The following NRG3 variants were observed in gnomAD, a reference collection of about 807,000 sequenced individuals.
NRG3 encodes pro-neuregulin-3, membrane-bound isoform.
In NRG3, 31 loss-of-function variants were observed where a neutral mutation model predicts 66.9. The observed-to-expected ratio is 0.46, with a 90% CI of 0.35 to 0.63. The LOEUF (loss-of-function observed/expected upper bound fraction) is 0.63. Ranked by LOEUF, NRG3 falls within the 20% of genes least tolerant of loss-of-function variation. NRG3 has a pLI of 0.00. For synonymous variants in NRG3, 393 were observed against 359.4 expected (o/e 1.09, Z -1.06); for missense variants, 910 against 878.9 (o/e 1.04, Z -0.45).
At chr10:82,885,167 T>C (rs1278064903) in intron 4 of NRG3, among the ~76,000 whole-genome samples, 1 of 152,244 alleles carries the variant, frequency 6.6e-6, no homozygotes, top group African/African-American at 2.4e-5. Context: ...CTACAACTTT[T>C]CTAAATACTC....
rs111274694 is a variant in NRG3 at position 81,970,421 on chromosome 10, G to T, written c.823+94258G>T. Among the ~76,000 whole-genome samples the T allele has an allele frequency of 4.0e-3, 603 of 152,242 alleles. 2 individuals are homozygous for T. Among genetic ancestry groups the T allele is most frequent in the African/African-American group, 0.014 (564 of 41,544 alleles). On this transcript the variant is annotated intron_variant, in intron 1 of 8. Coordinates refer to ENST00000372141, the MANE Select transcript of NRG3 (RefSeq NM_001010848.4). ...TTTCAACCAGGTTTATAGAGTAAAA[G>T]ATTCTTTTTCTTAACTTTAGCAGTT...
In NRG3 at chr10:82,344,634, G is replaced by A. The variant is rs1023365313; in HGVS notation, c.824-14105G>A. Among the ~76,000 whole-genome samples, 33 of 136,974 alleles carry A rather than the reference G, an allele frequency of 2.4e-4. 1 individual carries two copies. Among genetic ancestry groups the A allele is most frequent in the Non-Finnish European group, 4.0e-4 (27 of 67,078 alleles). 89.9% of individuals were successfully genotyped at this position (136,974 alleles called of 152,430 possible). On this transcript the variant is annotated intron_variant, in intron 1 of 8. Transcript: ENST00000372141. ...TCCAGTTCTAGATCCCTGAGGAATC[G>A]CCACACTGACTTCCACAATGGTTGA... is the stretch of plus-strand genomic sequence containing the variant.
chr10:81,885,974 A>G (rs963659897), intron 1 of NRG3, among the ~76,000 whole-genome samples: 1 of 152,150 alleles, frequency 6.6e-6, no homozygotes, highest in African/African-American at 2.4e-5. Flanking sequence ...ACTTTTCAGT[A>G]TGATACTCTC....
chr10:81,980,135 T>C (rs1308032881), intron 1 of NRG3, among the ~76,000 whole-genome samples: 1 of 152,240 alleles, frequency 6.6e-6, no homozygotes, highest in Non-Finnish European at 1.5e-5. Flanking sequence ...TTTTGTTTCC[T>C]TCCCAAATCT....
At chr10:82,821,430 T>A (rs2061949119) in intron 3 of NRG3, among the ~76,000 whole-genome samples, 1 of 151,778 alleles carries the variant, frequency 6.6e-6, no homozygotes, top group African/African-American at 2.4e-5. Context: ...TCCTAAATTA[T>A]GAATCTTTGT....
chr10:82,885,457 G>A (rs993627852), intron 4 of NRG3, among the ~76,000 whole-genome samples: 4 of 152,106 alleles, frequency 2.6e-5, no homozygotes, highest in Non-Finnish European at 4.4e-5. Flanking sequence ...AATAGGATAT[G>A]AATACTATTA....
chr10:82,141,689 C>T (rs1649971), intron 1 of NRG3, among the ~76,000 whole-genome samples: 81,255 of 151,876 alleles, frequency 0.54, 23,357 homozygotes, highest in Non-Finnish European at 0.66. Flanking sequence ...ATTATTCTGC[C>T]AAACCATCAT....
intron 4 of NRG3, among the ~76,000 whole-genome samples, chr10:82,916,862 T>G (rs1473402599): frequency 6.6e-6 from 1 of 152,162 alleles, no homozygotes; most frequent in Non-Finnish European, 1.5e-5. Context: ...GTGACCCACC[T>G]GCCTCAGCCT....
At chr10:82,797,752 A>G (rs1288152869) in intron 3 of NRG3, among the ~76,000 whole-genome samples, 3 of 152,100 alleles carry the variant, frequency 2.0e-5, no homozygotes, top group East Asian at 3.9e-4. Context: ...GATGTTGTCA[A>G]ACTGATCTCA....
At chr10:82,425,684 G>A (rs186184066) in intron 2 of NRG3, among the ~76,000 whole-genome samples, 2 of 152,210 alleles carry the variant, frequency 1.3e-5, no homozygotes, top group Admixed American at 1.3e-4. Flanking sequence ...TAAGAACTGA[G>A]AACATTAGTC....
chr10:82,170,654 GTATATATATATATA>G lies in NRG3; in HGVS notation c.824-188055_824-188042del, dbSNP rs370773918. Among the ~76,000 whole-genome samples, 375 of 74,198 alleles carry G rather than the reference GTATATATATATATA, an allele frequency of 5.1e-3. 7 individuals carry two copies. Among genetic ancestry groups the G allele is most frequent in the African/African-American group, 0.011 (284 of 25,296 alleles). 48.7% of individuals were successfully genotyped at this position (74,198 alleles called of 152,430 possible). A position where few individuals can be genotyped will look rare whatever the true frequency, so the allele number is the denominator to read the frequency against. ...TGAGATGATGTTTATAAAACTTGTG[GTATATATATATATA>G]TATATATATATATATATATATATAT... On this transcript the variant is annotated intron_variant, in intron 1 of 8. Coordinates refer to ENST00000372141, the MANE Select transcript of NRG3 (RefSeq NM_001010848.4).
intron 4 of NRG3, among the ~76,000 whole-genome samples, chr10:82,909,541 A>G (rs773633759): frequency 6.6e-6 from 1 of 152,178 alleles, no homozygotes; most frequent in African/African-American, 2.4e-5. Flanking sequence ...TTCACTTGTG[A>G]TAGGTATTTT....
At chr10:82,322,739 G>A (rs1177932059) in intron 1 of NRG3, among the ~76,000 whole-genome samples, 1 of 152,140 alleles carries the variant, frequency 6.6e-6, no homozygotes, top group Admixed American at 6.5e-5. Flanking sequence ...ACTCAGTAAG[G>A]AAGGCAAACA....
At chr10:82,270,041 A>G (rs1281418552) in intron 1 of NRG3, among the ~76,000 whole-genome samples, 3 of 152,164 alleles carry the variant, frequency 2.0e-5, no homozygotes, top group Non-Finnish European at 4.4e-5. Flanking sequence ...CGACATGAGT[A>G]TATAAGCAAA....
intron 2 of NRG3, among the ~76,000 whole-genome samples, chr10:82,648,251 T>G (rs912924965): frequency 6.6e-6 from 1 of 152,210 alleles, no homozygotes; most frequent in Non-Finnish European, 1.5e-5. Context: ...GCACCATTTA[T>G]TAAATAGGGA....
chr10:82,632,560 C>G (rs1052781336), intron 2 of NRG3, among the ~76,000 whole-genome samples: 1 of 152,058 alleles, frequency 6.6e-6, no homozygotes, highest in Non-Finnish European at 1.5e-5. Flanking sequence ...TTTATTACAA[C>G]TCATTATCGT....
chr10:82,803,381 G>A (rs574911731), intron 3 of NRG3, among the ~76,000 whole-genome samples: 1 of 152,150 alleles, frequency 6.6e-6, no homozygotes, highest in Non-Finnish European at 1.5e-5. Context: ...AGAATAGATA[G>A]GGAAATCTAG....
intron 5 of NRG3, among the ~76,000 whole-genome samples, chr10:82,951,871 G>A (rs1052909733): frequency 2.6e-5 from 4 of 152,176 alleles, no homozygotes; most frequent in African/African-American, 7.2e-5. Context: ...CCACTTGCTG[G>A]TATTAAGGGC....
At chr10:82,042,230 A>G (rs1331687183) in intron 1 of NRG3, among the ~76,000 whole-genome samples, 1 of 152,056 alleles carries the variant, frequency 6.6e-6, no homozygotes, top group Non-Finnish European at 1.5e-5. Context: ...TTATTGAAAA[A>G]TTTAAATTGG....
Sources: gnomAD v4.1 joint callset for allele counts (sites outside exome capture counted in the v4.1 genomes callset) on GRCh38, gnomAD v4.1.1 for gene constraint, MANE v1.5 for transcripts, NCBI Gene and HGNC (gene_info 2026-07-23, HGNC 2026-07-21) for gene names.